CEP104: variants seen among roughly 807,000 people sequenced by gnomAD.
The protein encoded by CEP104 is centrosomal protein of 104 kDa.
In CEP104, 84 loss-of-function variants were observed where a neutral mutation model predicts 113.3. That is an observed-to-expected ratio of 0.74 (90% CI 0.62 to 0.89). The LOEUF is 0.89. Ranked by LOEUF, CEP104 falls within the 40% of genes least tolerant of loss-of-function variation. CEP104 has a pLI of 0.00. For synonymous variants in CEP104, 378 were observed against 421.7 expected (o/e 0.90, Z 1.27); for missense variants, 1,053 against 1,156.6 (o/e 0.91, Z 1.30).
At chr1:3,832,658 G>A (rs1644239195) in intron 12 of CEP104, among the ~76,000 whole-genome samples, 1 of 152,050 alleles carries the variant, frequency 6.6e-6, no homozygotes, top group African/African-American at 2.4e-5. Flanking sequence ...TAGATCTGTG[G>A]TTCCTCATAT....
intron 16 of CEP104, 92 bp downstream of exon 16, chr1:3,826,616 G>A: frequency 6.8e-7 from 1 of 1,466,640 alleles, no homozygotes. Context: ...ATGGACAGAA[G>A]CCGTTCCCAC....
At chr1:3,821,558 G>A (rs1308964082) in intron 20 of CEP104, among the ~76,000 whole-genome samples, 1 of 152,224 alleles carries the variant, frequency 6.6e-6, no homozygotes, top group Non-Finnish European at 1.5e-5. Flanking sequence ...ATGACAGAAT[G>A]AGGCCCCTCC....
chr1:3,826,641 A>G, intron 16 of CEP104, 67 bp downstream of exon 16: 2 of 1,555,422 alleles, frequency 1.3e-6, no homozygotes, highest in Middle Eastern at 1.7e-4. Flanking sequence ...AGCTTCCATG[A>G]CATGCATTTA....
rs1319250621 is a variant in CEP104 at position 3,852,370 on chromosome 1, G to C, written c.38C>G (p.Ser13Cys). 1.9e-6 allele frequency: 3 copies of C among 1,614,176 alleles called. No homozygotes were observed. Among genetic ancestry groups the C allele is most frequent in the African/African-American group, 1.3e-5 (1 of 75,070 alleles). Residue 13 changes from serine to cysteine, a missense_variant, in exon 2 of 22, where the codon TCT becomes TGT. Physicochemically the swap from Ser to Cys is moderately radical, Grantham distance 112 (BLOSUM62 -1). Coordinates refer to ENST00000378230, the MANE Select transcript of CEP104 (RefSeq NM_014704.4). ...GGCACTGAAGCCGTCTTCGTGTCCA[G>C]ATGAGCTGACGACTACAAATCCAAT... ...HKIGFVVVSS[S>C]GHEDGFSARE... is the part of the protein sequence containing the mutation.
intron 4 of CEP104, 41 bp downstream of exon 4, chr1:3,847,434 A>T: frequency 6.6e-7 from 1 of 1,519,424 alleles, no homozygotes; most frequent in Non-Finnish European, 8.8e-7. Flanking sequence ...CCCACAAAGA[A>T]GGTAGGGGCA....
chr1:3,856,688 C>A (rs6424060), intron 1 of CEP104, among the ~76,000 whole-genome samples: 55,636 of 152,038 alleles, frequency 0.37, 10,740 homozygotes, highest in Admixed American at 0.46. Context: ...CCCCGGCATA[C>A]GGCACGACGG....
intron 4 of CEP104, 26 bp downstream of exon 4, chr1:3,847,449 C>CA (rs758278546): frequency 1.3e-6 from 2 of 1,550,010 alleles, no homozygotes; most frequent in Admixed American, 4.1e-5. Flanking sequence ...GGGGCAGAAT[C>CA]AAAGGCGAAG....
chr1:3,833,654 T>C (rs571891268), intron 12 of CEP104: 8 of 430,600 alleles, frequency 1.9e-5, no homozygotes, highest in South Asian at 8.4e-5. Flanking sequence ...AAAAAAAACA[T>C]TGGAAAAACC....
chr1:3,853,539 G>A (rs778521645), intron 1 of CEP104, among the ~76,000 whole-genome samples: 9 of 152,158 alleles, frequency 5.9e-5, no homozygotes, highest in Non-Finnish European at 1.3e-4. Context: ...AAAACTGTAC[G>A]TATTTTGACA....
At chr1:3,849,600 C>T (rs1644573816) in intron 2 of CEP104, among the ~76,000 whole-genome samples, 1 of 152,210 alleles carries the variant, frequency 6.6e-6, no homozygotes, top group East Asian at 1.9e-4. Context: ...AAAGACCCCA[C>T]ACTGCTTCCA....
intron 6 of CEP104, among the ~76,000 whole-genome samples, chr1:3,842,929 A>G (rs1039365896): frequency 6.6e-6 from 1 of 152,128 alleles, no homozygotes; most frequent in Non-Finnish European, 1.5e-5. Flanking sequence ...CTGGGACTAC[A>G]GGTGTGCGCC....
Position 3,814,393 on chromosome 1 carries a change from T to C in CEP104, c.*1009A>G, listed in dbSNP as rs756621801. 2.0e-5 allele frequency: 3 copies of C among 152,238 alleles called. No individual in the cohort carries two copies. Among genetic ancestry groups the C allele is most frequent in the Admixed American group, 6.5e-5 (1 of 15,294 alleles). 9.4% of individuals were successfully genotyped at this position (152,238 alleles called of 1,614,324 possible). ...GGATGGCTGGTTAGGAGACTGTTTTTTGAGGGTTGGTTTCATCATTTTAAG... is the reference window on the plus strand; with the variant it reads ...GGATGGCTGGTTAGGAGACTGTTTTCTGAGGGTTGGTTTCATCATTTTAAG... On this transcript the variant is annotated 3_prime_UTR_variant, in exon 22 of 22. Coordinates refer to ENST00000378230, the MANE Select transcript of CEP104 (RefSeq NM_014704.4).
chr1:3,838,136 C>T (rs140128703), intron 8 of CEP104, among the ~76,000 whole-genome samples: 5 of 152,244 alleles, frequency 3.3e-5, no homozygotes, highest in African/African-American at 7.2e-5. Context: ...TGAACCCAGA[C>T]AGTCCAGCTC....
At chr1:3,841,720 A>G (rs556820058) in intron 6 of CEP104, among the ~76,000 whole-genome samples, 4 of 152,296 alleles carry the variant, frequency 2.6e-5, no homozygotes, top group South Asian at 4.1e-4. Context: ...TAACCTTCAT[A>G]AAACCCCGGG....
chr1:3,823,434 C>T lies in CEP104; in HGVS notation c.2493G>A (p.Lys831=). The T allele has an allele frequency of 6.2e-7, 1 of 1,614,230 alleles. No individual in the cohort carries two copies. The highest frequency in any genetic ancestry group is 8.5e-7 in the Non-Finnish European group (1 of 1,180,044). ...KEELPRHIKH[K]DCNPAKPEKL... is the part of the protein sequence containing the mutation. ...GGAAGGGGCACTCACGGTTGCAATC[C>T]TTGTGTTTTATGTGTCTGGGCAGCT... Residue 831 remains lysine, a synonymous_variant, in exon 19 of 22, where the codon AAG becomes AAA. Transcript: ENST00000378230. The surrounding 1 kb of genome is among the most constrained non-coding windows in gnomAD (Gnocchi z 4.1).
chr1:3,843,375 AATT>A, intron 6 of CEP104: 31 of 436,298 alleles, frequency 7.1e-5, no homozygotes, highest in East Asian at 3.8e-4. Flanking sequence ...AAATATGTAT[AATT>A]TTTTTTTTTT....
At chr1:3,854,411 A>G (rs1570865256) in intron 1 of CEP104, among the ~76,000 whole-genome samples, 1 of 152,054 alleles carries the variant, frequency 6.6e-6, no homozygotes, top group East Asian at 1.9e-4. Flanking sequence ...GTCCAGCCAA[A>G]CAATCAAAGC....
intron 6 of CEP104, among the ~76,000 whole-genome samples, chr1:3,841,995 C>T (rs1891938): frequency 0.3 from 46,313 of 152,084 alleles, 8,275 homozygotes; most frequent in African/African-American, 0.49. Context: ...TGCTTCCATC[C>T]AATTGCCAGC....
chr1:3,849,820 T>TA (rs1483845458), intron 2 of CEP104, among the ~76,000 whole-genome samples: 1 of 146,652 alleles, frequency 6.8e-6, no homozygotes, highest in African/African-American at 2.6e-5. Context: ...ATCCATTAGT[T>TA]AAAAATCTTT....
Sources: allele counts gnomAD v4.1 joint callset (sites outside exome capture counted in the v4.1 genomes callset), GRCh38; gene constraint gnomAD v4.1.1; non-coding constraint Gnocchi (gnomAD v3.1); transcripts MANE v1.5; gene names NCBI Gene and HGNC (gene_info 2026-07-23, HGNC 2026-07-21).